EDEM1: variants seen among roughly 807,000 people sequenced by gnomAD.
EDEM1 encodes ER degradation enhancing alpha-mannosidase like protein 1.
A neutral mutation model predicts 74.4 loss-of-function variants in EDEM1; 67 were observed. The observed-to-expected ratio is 0.90, with a 90% CI of 0.74 to 1.10. EDEM1 has a LOEUF of 1.10. EDEM1 is among the 50% of genes least tolerant of loss of function. The pLI, the probability that EDEM1 is intolerant of heterozygous loss-of-function variation, is 0.00. For missense variants in EDEM1, 926 were observed against 851.6 expected, an observed-to-expected ratio of 1.09 and a Z score of -1.09; for synonymous variants, 382 against 335.9, an observed-to-expected ratio of 1.14 and a Z score of -1.50.
intron 1 of EDEM1, among the ~76,000 whole-genome samples, chr3:5,194,388 A>G (rs2054937428): frequency 6.6e-6 from 1 of 152,164 alleles, no homozygotes; most frequent in Admixed American, 6.5e-5. Flanking sequence ...CTAGTTCTTC[A>G]TCCCTATTCT....
Position 5,205,386 on chromosome 3 carries a change from G to T in EDEM1, c.1217+145G>T, listed in dbSNP as rs571651975. ...ACCTCTCCTAGTTTGTCAGTCATCT[G>T]GGGGCAAAGAGCTGTGTTATCTTTC... On this transcript the variant is annotated intron_variant, in intron 6 of 11. Transcript: ENST00000256497. 3.2e-4 allele frequency: 262 copies of T among 806,398 alleles called. No individual in the cohort carries two copies. The South Asian group carries it at 4.8e-3, about 15-fold the overall frequency. 50.0% of individuals were successfully genotyped at this position (806,398 alleles called of 1,614,324 possible). A position where few individuals can be genotyped will look rare whatever the true frequency, so the allele number is the denominator to read the frequency against.
intron 1 of EDEM1, among the ~76,000 whole-genome samples, chr3:5,190,553 C>A (rs1394801451): frequency 2.0e-5 from 3 of 152,162 alleles, no homozygotes; most frequent in African/African-American, 7.2e-5. Flanking sequence ...GCCTTTATTT[C>A]AGGATGAAGG....
chr3:5,215,312 T>TA (rs139703688), intron 11 of EDEM1, among the ~76,000 whole-genome samples: 9,724 of 151,484 alleles, frequency 0.064, 342 homozygotes, highest in African/African-American at 0.091. Context: ...GGGTTTTAAT[T>TA]AAAGAAATAG....
chr3:5,196,011 A>C (rs1295047190), intron 2 of EDEM1, among the ~76,000 whole-genome samples: 1 of 152,236 alleles, frequency 6.6e-6, no homozygotes, highest in Non-Finnish European at 1.5e-5. Flanking sequence ...TTCTTAGTTA[A>C]GGTGATTTTT....
Position 5,190,878 on chromosome 3 carries a change from T to A in EDEM1, c.509+2564T>A, listed in dbSNP as rs114957066. On this transcript the variant is annotated intron_variant, in intron 1 of 11. Coordinates refer to ENST00000256497, the MANE Select transcript of EDEM1 (RefSeq NM_014674.3). ...GCTTTGCTTTTTTTTAAATATTTTT[T>A]AAAAAAATTTATTTTTAATTTTTGA... Among the ~76,000 whole-genome samples the A allele has an allele frequency of 7.7e-3, 1,166 of 152,230 alleles. 6 individuals are homozygous for A. The highest frequency in any genetic ancestry group is 0.011 in the Non-Finnish European group (769 of 68,014).
chr3:5,195,158 CT>C (rs2054949062), intron 1 of EDEM1, 50 bp from the exon 2 acceptor site: 1 of 1,129,088 alleles, frequency 8.9e-7, no homozygotes, highest in African/African-American at 1.6e-5. Flanking sequence ...CTTTTATTGT[CT>C]TCTCTTTTGA....
At position 5,216,410 on chromosome 3, in the gene EDEM1, G is replaced by A. The variant is rs1332620626; in HGVS notation, c.*492G>A. 1 of 152,418 alleles carries A rather than the reference G, an allele frequency of 6.6e-6. No homozygotes were observed. Among genetic ancestry groups the A allele is most frequent in the Non-Finnish European group, 1.5e-5 (1 of 68,218 alleles). The allele number at this position is 152,418 out of a possible 1,614,324, so 9.4% of individuals were successfully genotyped here. A position where few individuals can be genotyped will look rare whatever the true frequency, so the allele number is the denominator to read the frequency against. On this transcript the variant is annotated 3_prime_UTR_variant, in exon 12 of 12. Coordinates refer to ENST00000256497, the MANE Select transcript of EDEM1 (RefSeq NM_014674.3). The stretch of plus-strand genomic sequence containing the variant: ...AGCCTCCCGAGTAGCTGGGATTACA[G>A]GTGAGCACCACTGTACCTGGCTAGC...
intron 2 of EDEM1, among the ~76,000 whole-genome samples, chr3:5,195,590 T>C (rs1425437855): frequency 6.6e-6 from 1 of 152,194 alleles, no homozygotes; most frequent in Non-Finnish European, 1.5e-5. Flanking sequence ...TCATTAATAT[T>C]GATAATTATA....
chr3:5,207,340 C>T, intron 7 of EDEM1, 67 bp downstream of exon 7: 6 of 1,592,566 alleles, frequency 3.8e-6, no homozygotes, highest in Non-Finnish European at 5.1e-6. Flanking sequence ...CCTTTTCTTT[C>T]TTTTTTAATA....
intron 1 of EDEM1, among the ~76,000 whole-genome samples, chr3:5,194,435 G>A (rs78824722): frequency 6.6e-6 from 1 of 151,984 alleles, no homozygotes; most frequent in South Asian, 2.1e-4. Context: ...TGACTTTTTT[G>A]TAAAGTGTTA....
Position 5,211,169 on chromosome 3 carries a change from C to G in EDEM1, c.1633C>G (p.Arg545Gly). Residue 545 changes from arginine to glycine, a missense_variant, in exon 10 of 12, where the codon CGG becomes GGG. Physicochemically the swap from Arg to Gly is moderately radical, Grantham distance 125 (BLOSUM62 -2). Transcript: ENST00000256497. ...CGTCATTGACAAGTCCACAGAAGAC[C>G]GGATGGAGAGCTTCTTTCTCAGTGA... ...HHVIDKSTED[R>G]MESFFLSETC... is the part of the protein sequence containing the mutation. 6.2e-7 allele frequency: 1 copy of G among 1,614,106 alleles called. No individual in the cohort carries two copies. Among genetic ancestry groups the G allele is most frequent in the Non-Finnish European group, 8.5e-7 (1 of 1,180,016 alleles).
rs922074439 is a variant in EDEM1, at chr3:5,208,278, T to G, written c.1509+15T>G. Reference sequence around the variant, plus strand: ...TCCTCTACCAGGTACTAGAGTTGTGTTTTTTTTTTTTTCCTTTCACTGCCT... The same window carrying G: ...TCCTCTACCAGGTACTAGAGTTGTGGTTTTTTTTTTTTCCTTTCACTGCCT... On this transcript the variant is annotated intron_variant, in intron 8 of 11. Coordinates refer to ENST00000256497, the MANE Select transcript of EDEM1 (RefSeq NM_014674.3). 2.8e-6 allele frequency: 2 copies of G among 719,530 alleles called. No homozygotes were observed. Among genetic ancestry groups the G allele is most frequent in the African/African-American group, 2.5e-5 (1 of 39,550 alleles). The allele number at this position is 719,530 out of a possible 1,614,324, so 44.6% of individuals were successfully genotyped here.
At position 5,209,027 on chromosome 3, in the gene EDEM1, C is replaced by T. The variant is rs188041175; in HGVS notation, c.1509+764C>T. On this transcript the variant is annotated intron_variant, in intron 8 of 11. Coordinates refer to ENST00000256497, the MANE Select transcript of EDEM1 (RefSeq NM_014674.3). Reference sequence around the variant, plus strand: ...CAGTAGGCCGGTAACAGATGCCCACCGTGGGCCAGCCCTAGCAAGCAGGGC... The same window carrying T: ...CAGTAGGCCGGTAACAGATGCCCACTGTGGGCCAGCCCTAGCAAGCAGGGC... Among the ~76,000 whole-genome samples the T allele has an allele frequency of 1.8e-4, 28 of 152,218 alleles. No individual in the cohort carries two copies. The East Asian group carries it at 3.9e-3, about 21-fold the overall frequency.
Position 5,200,719 on chromosome 3 carries a change from A to G in EDEM1, c.686+1024A>G, listed in dbSNP as rs140897115. ...TTTATGGGTCTACAAGGACTTAGGT[A>G]TAAGCTGGTAGCCTGCTGCCTCTTA... On this transcript the variant is annotated intron_variant, in intron 3 of 11. Coordinates refer to ENST00000256497, the MANE Select transcript of EDEM1 (RefSeq NM_014674.3). 1.5e-3 allele frequency among the ~76,000 whole-genome samples: 222 copies of G among 152,318 alleles called. 1 individual carries two copies. Among genetic ancestry groups the G allele is most frequent in the African/African-American group, 5.2e-3 (215 of 41,560 alleles).
chr3:5,209,202 A>C (rs1310611706), intron 8 of EDEM1, among the ~76,000 whole-genome samples: 1 of 152,186 alleles, frequency 6.6e-6, no homozygotes, highest in Non-Finnish European at 1.5e-5. Context: ...AATCCTGTGA[A>C]ACTGGTAGTA....
intron 2 of EDEM1, among the ~76,000 whole-genome samples, chr3:5,196,694 C>T (rs1001807143): frequency 6.6e-6 from 1 of 152,072 alleles, no homozygotes; most frequent in East Asian, 1.9e-4. Context: ...ACTTAGTTTC[C>T]CAATATCTCC....
rs944693743 is a variant in EDEM1, at chr3:5,218,944, G to A, written c.*3026G>A. On this transcript the variant is annotated 3_prime_UTR_variant, in exon 12 of 12. Transcript: ENST00000256497. ...TTGTTTTAGATCATGGACTGTGCAC[G>A]TGACACTTAAATAATTTTCTATGTA... is the stretch of plus-strand genomic sequence containing the variant. The A allele has an allele frequency of 5.3e-5, 8 of 152,094 alleles. No homozygotes were observed. The highest frequency in any genetic ancestry group is 1.3e-4 in the Admixed American group (2 of 15,270). 9.4% of individuals were successfully genotyped at this position (152,094 alleles called of 1,614,324 possible).
At position 5,188,134 on chromosome 3, in the gene EDEM1, GC is replaced by G; in HGVS notation, c.332del (p.Pro111ArgfsTer63). 1 of 1,531,528 alleles carries G rather than the reference GC, an allele frequency of 6.5e-7. No homozygotes were observed. 94.9% of individuals were successfully genotyped at this position (1,531,528 alleles called of 1,614,324 possible). A position where few individuals can be genotyped will look rare whatever the true frequency, so the allele number is the denominator to read the frequency against. On this transcript the variant is annotated frameshift_variant, in exon 1 of 12. Coordinates refer to ENST00000256497, the MANE Select transcript of EDEM1 (RefSeq NM_014674.3). LOFTEE classifies it high-confidence loss of function. ...TACGTGCTGGGCGGCCGGGGCCGCG[GC>G]CCGGACGAGTACGAGAAGCGCTACA... is the stretch of plus-strand genomic sequence containing the variant. ...WGYVLGGRGR[G>X]PDEYEKRYSG...
intron 11 of EDEM1, 134 bp from the exon 12 acceptor site, chr3:5,215,695 G>C (rs893966120): frequency 4.9e-6 from 4 of 811,362 alleles, no homozygotes; most frequent in African/African-American, 3.4e-5. Flanking sequence ...GCAGTGTACA[G>C]GCAGCTTCCA....
Sources: gnomAD v4.1 joint callset for allele counts (sites outside exome capture counted in the v4.1 genomes callset) on GRCh38, gnomAD v4.1.1 for gene constraint, MANE v1.5 for transcripts, NCBI Gene and HGNC (gene_info 2026-07-23, HGNC 2026-07-21) for gene names.